The following PRKCQ variants were observed in gnomAD, a reference collection of about 807,000 sequenced individuals.
The protein encoded by PRKCQ is protein kinase C theta.
PRKCQ carries 41 observed loss-of-function variants against 91.2 expected under a neutral mutation model. The ratio of observed to expected loss-of-function variants is 0.45; its 90% confidence interval spans 0.35 to 0.58. The LOEUF (loss-of-function observed/expected upper bound fraction) is 0.58. Ranked by LOEUF, PRKCQ falls within the 20% of genes least tolerant of loss-of-function variation. The pLI is 0.00. For missense variants in PRKCQ, 673 were observed against 896.5 expected, an observed-to-expected ratio of 0.75 and a Z score of 3.18; for synonymous variants, 307 against 316.9, an observed-to-expected ratio of 0.97 and a Z score of 0.33.
chr10:6,421,845 G>A, the PRKCQ span, among the ~76,000 whole-genome samples: 5 of 152,136 alleles, frequency 3.3e-5, no homozygotes, highest in Admixed American at 1.3e-4. This position sits in a 1 kb window ranked among gnomAD's most constrained non-coding sequence, Gnocchi z 4.1. Flanking sequence ...TCATCTAACC[G>A]TGCTGAACTC....
intron 1 of PRKCQ, among the ~76,000 whole-genome samples, chr10:6,554,008 C>G (rs560851903): frequency 6.6e-6 from 1 of 151,812 alleles, no homozygotes; most frequent in South Asian, 2.1e-4. Context: ...CATCAAGTCT[C>G]GGAGCACTCA....
chr10:6,397,913 G>A, the PRKCQ span, among the ~76,000 whole-genome samples: 98 of 152,144 alleles, frequency 6.4e-4, no homozygotes, highest in African/African-American at 2.2e-3. Flanking sequence ...CAACAAGCAC[G>A]AGACTCCGTC....
chr10:6,527,540 T>C (rs1409306139), intron 1 of PRKCQ, among the ~76,000 whole-genome samples: 2 of 152,066 alleles, frequency 1.3e-5, no homozygotes, highest in Admixed American at 6.5e-5. Flanking sequence ...AGAAGAGTGA[T>C]TGATCTGATG....
intron 11 of PRKCQ, among the ~76,000 whole-genome samples, chr10:6,480,869 A>G (rs1836559172): frequency 6.6e-6 from 1 of 152,218 alleles, no homozygotes; most frequent in Non-Finnish European, 1.5e-5. Context: ...AAGGGATGAA[A>G]CTTAGATGGG....
intron 15 of PRKCQ, among the ~76,000 whole-genome samples, chr10:6,446,285 G>A (rs568147971): frequency 6.0e-5 from 9 of 151,206 alleles, no homozygotes; most frequent in Admixed American, 2.0e-4. Flanking sequence ...ATTTTACCAC[G>A]TGATGTTCCT....
At chr10:6,455,415 T>G (rs975172979) in intron 15 of PRKCQ, among the ~76,000 whole-genome samples, 2 of 152,174 alleles carry the variant, frequency 1.3e-5, no homozygotes, top group Non-Finnish European at 2.9e-5. Context: ...CAAGGCTAAA[T>G]TCAAATTACA....
At chr10:6,415,174 G>T in the PRKCQ span, among the ~76,000 whole-genome samples, 1 of 151,368 alleles carries the variant, frequency 6.6e-6, no homozygotes. Context: ...TGTTGGCCAG[G>T]TTGGTCTTCA....
Position 6,507,455 on chromosome 10 carries a change from T to C in PRKCQ, c.360A>G (p.Arg120=). ...ACTTGCCACTCATTTCCAGAAAGTA[T>C]CTTGCATTCATTAGCATTCGGCCTT... ...KPQGRMLMNA[R]YFLEMSDTKD... is the part of the protein sequence containing the mutation. The change falls in exon 4 of 18, where the codon AGA becomes AGG. Residue 120 remains arginine, a synonymous_variant. Transcript: ENST00000263125. 1 of 1,613,814 alleles carries C rather than the reference T, an allele frequency of 6.2e-7. No homozygotes were observed. Among genetic ancestry groups the C allele is most frequent in the Non-Finnish European group, 8.5e-7 (1 of 1,179,742 alleles).
intron 12 of PRKCQ, among the ~76,000 whole-genome samples, chr10:6,466,228 A>G (rs1835646936): frequency 6.6e-6 from 1 of 152,188 alleles, no homozygotes; most frequent in Non-Finnish European, 1.5e-5. Flanking sequence ...TAACACTGTC[A>G]ATTTAGATGT....
chr10:6,467,589 G>A (rs1356356805), intron 12 of PRKCQ, among the ~76,000 whole-genome samples: 1 of 152,140 alleles, frequency 6.6e-6, no homozygotes, highest in African/African-American at 2.4e-5. Flanking sequence ...GATGGCATTG[G>A]GGGATGGGAC....
intron 1 of PRKCQ, among the ~76,000 whole-genome samples, chr10:6,577,573 G>A (rs1331772786): frequency 6.6e-6 from 1 of 151,940 alleles, no homozygotes; most frequent in Non-Finnish European, 1.5e-5. Flanking sequence ...ACGGAATCAC[G>A]TCTATATTGC....
At chr10:6,408,707 C>T in the PRKCQ span, among the ~76,000 whole-genome samples, 1 of 152,196 alleles carries the variant, frequency 6.6e-6, no homozygotes, top group African/African-American at 2.4e-5. Flanking sequence ...ATAAACATTT[C>T]CTGAGACCCA....
chr10:6,488,050 T>A (rs527362430), intron 8 of PRKCQ, among the ~76,000 whole-genome samples: 38 of 135,908 alleles, frequency 2.8e-4, no homozygotes, highest in Non-Finnish European at 5.3e-4. Context: ...TACAGAAAAA[T>A]CAGATATAAA....
Position 6,464,520 on chromosome 10 carries a change from G to T in PRKCQ, c.1354-116C>A, listed in dbSNP as rs45599734. ...GCTGGAGTGCAGTGGCGTGATCTCG[G>T]GTCACTGCAACCTCCGCCTCCTGGC... On this transcript the variant is annotated intron_variant, in intron 12 of 17. Transcript: ENST00000263125. The T allele has an allele frequency of 5.3e-3, 4,272 of 804,158 alleles. 33 individuals carry two copies. Among genetic ancestry groups the T allele is most frequent in the Non-Finnish European group, 5.6e-3 (2,842 of 503,054 alleles). 49.8% of individuals were successfully genotyped at this position (804,158 alleles called of 1,614,324 possible). A position where few individuals can be genotyped will look rare whatever the true frequency, so the allele number is the denominator to read the frequency against.
intron 1 of PRKCQ, among the ~76,000 whole-genome samples, chr10:6,522,600 T>A (rs1414069644): frequency 6.6e-6 from 1 of 152,186 alleles, no homozygotes; most frequent in Non-Finnish European, 1.5e-5. Context: ...GAAAAAAATA[T>A]CAAGCATTCT....
At chr10:6,492,403 A>G (rs1187988275) in intron 7 of PRKCQ, among the ~76,000 whole-genome samples, 3 of 151,976 alleles carry the variant, frequency 2.0e-5, no homozygotes, top group Non-Finnish European at 4.4e-5. Flanking sequence ...TGTCACACGC[A>G]TCATCTATTA....
chr10:6,527,996 G>A (rs957371957), intron 1 of PRKCQ, among the ~76,000 whole-genome samples: 4 of 152,176 alleles, frequency 2.6e-5, no homozygotes, highest in African/African-American at 4.8e-5. Context: ...TGAGGCAGGT[G>A]CATAATGGAT....
intron 12 of PRKCQ, among the ~76,000 whole-genome samples, chr10:6,467,335 C>G (rs1326742557): frequency 0.011 from 1,095 of 103,346 alleles, 37 homozygotes; most frequent in African/African-American, 0.03. Context: ...GAGAGACAGA[C>G]AGAGAGAGAG....
chr10:6,475,444 C>T (rs1373800784), intron 12 of PRKCQ, among the ~76,000 whole-genome samples: 2 of 152,160 alleles, frequency 1.3e-5, no homozygotes, highest in Admixed American at 1.3e-4. Context: ...GGTGATATAT[C>T]CCTCATCTAG....
Sources: gnomAD v4.1 joint callset for allele counts (sites outside exome capture counted in the v4.1 genomes callset) on GRCh38, gnomAD v4.1.1 for gene constraint, Gnocchi (gnomAD v3.1) non-coding constraint, MANE v1.5 for transcripts, NCBI Gene and HGNC (gene_info 2026-07-23, HGNC 2026-07-21) for gene names.